Variants in IL27RA observed in about 807,000 individuals in gnomAD.
IL27RA encodes interleukin-27 receptor subunit alpha.
A neutral mutation model predicts 80.8 loss-of-function variants in IL27RA; 61 were observed. The ratio of observed to expected loss-of-function variants is 0.76; its 90% CI spans 0.61 to 0.93. The LOEUF (loss-of-function observed/expected upper bound fraction) is 0.93, where lower values mean the gene tolerates loss of function less well. Among genes scored for constraint, IL27RA ranks in the 40% least tolerant of loss-of-function variants. The probability of loss-of-function intolerance (pLI) is 0.00; values close to 1 mark genes in which losing one functional copy is unlikely to be tolerated. For missense variants in IL27RA, 735 were observed against 808.1 expected (o/e 0.91, Z 1.10); for synonymous variants, 316 against 332.5 (o/e 0.95, Z 0.54).
intron 5 of IL27RA, 51 bp downstream of exon 5, chr19:14,042,663 G>C (rs1311266124): frequency 6.2e-7 from 1 of 1,613,826 alleles, no homozygotes; most frequent in Non-Finnish European, 8.5e-7. Context: ...ACCCCCAGAA[G>C]TCTGTCCAAT....
chr19:14,037,598 C>T (rs981455457), intron 2 of IL27RA, among the ~76,000 whole-genome samples: 3 of 152,072 alleles, frequency 2.0e-5, no homozygotes, highest in African/African-American at 7.2e-5. Flanking sequence ...GTTTGGCCTC[C>T]AGGTCTTTGC....
intron 8 of IL27RA, among the ~76,000 whole-genome samples, chr19:14,047,148 AT>A (rs1976079556): frequency 6.7e-6 from 1 of 149,446 alleles, no homozygotes; most frequent in Admixed American, 6.7e-5. Flanking sequence ...GGTTCAAGTG[AT>A]TCTCGTGACT....
chr19:14,048,035 G>A (rs1976096592), intron 8 of IL27RA, among the ~76,000 whole-genome samples: 1 of 150,182 alleles, frequency 6.7e-6, no homozygotes, highest in Non-Finnish European at 1.5e-5. Flanking sequence ...TCAGCTCACT[G>A]CAGCGTCGAC....
chr19:14,042,423 G>C, intron 4 of IL27RA, 30 bp from the exon 5 acceptor site: 1 of 1,608,394 alleles, frequency 6.2e-7, no homozygotes, highest in South Asian at 1.1e-5. Context: ...CAGGCCCTGG[G>C]CCCATCACGC....
At chr19:14,048,104 T>TG (rs1209076620) in intron 8 of IL27RA, among the ~76,000 whole-genome samples, 3 of 151,652 alleles carry the variant, frequency 2.0e-5, no homozygotes, top group Admixed American at 2.0e-4. Context: ...ATTACAGGCA[T>TG]GCGCCACCAA....
chr19:14,042,367 GA>G, intron 4 of IL27RA, 85 bp from the exon 5 acceptor site: 1 of 1,449,120 alleles, frequency 6.9e-7, no homozygotes, highest in South Asian at 1.3e-5. Context: ...GTCTCAAAAC[GA>G]AAAACAAAGG....
chr19:14,052,543 G>A lies in IL27RA; in HGVS notation c.*253G>A, dbSNP rs1019626253. On this transcript the variant is annotated 3_prime_UTR_variant, in exon 14 of 14. Coordinates refer to ENST00000263379, the MANE Select transcript of IL27RA (RefSeq NM_004843.4). ...ATACATGAAATTGAGAGTGGCAGCTGCCTGCCAAAATCTGTTCCGCTGTAA... is the reference window on the plus strand; with the variant it reads ...ATACATGAAATTGAGAGTGGCAGCTACCTGCCAAAATCTGTTCCGCTGTAA... 1 of 408,384 alleles carries A rather than the reference G, an allele frequency of 2.4e-6. No individual in the cohort carries two copies. The highest frequency in any genetic ancestry group is 4.3e-6 in the Non-Finnish European group (1 of 230,698). 25.3% of individuals were successfully genotyped at this position (408,384 alleles called of 1,614,324 possible). A position where few individuals can be genotyped will look rare whatever the true frequency, so the allele number is the denominator to read the frequency against.
intron 8 of IL27RA, among the ~76,000 whole-genome samples, chr19:14,048,132 A>G (rs1976098457): frequency 6.7e-6 from 1 of 149,626 alleles, no homozygotes; most frequent in Non-Finnish European, 1.5e-5. Flanking sequence ...CAGTTTTTGT[A>G]TTTTTTGTAG....
chr19:14,042,389 A>G, intron 4 of IL27RA, 64 bp from the exon 5 acceptor site: 1 of 1,506,706 alleles, frequency 6.6e-7, no homozygotes, highest in Non-Finnish European at 9.0e-7. Context: ...AAAAAAAAAA[A>G]GATAAGTTCA....
At chr19:14,039,467 C>T in intron 2 of IL27RA, 41 bp from the exon 3 acceptor site, 2 of 1,578,974 alleles carry the variant, frequency 1.3e-6, no homozygotes, top group South Asian at 2.3e-5. Flanking sequence ...GGCCCTGGCT[C>T]TAGCCGAGTG....
intron 1 of IL27RA, 144 bp downstream of exon 1, chr19:14,032,116 G>C (rs1434182104): frequency 1.3e-6 from 1 of 795,496 alleles, no homozygotes; most frequent in East Asian, 2.7e-5. Context: ...CAGGGACCCG[G>C]CGACACTGGG....
intron 2 of IL27RA, among the ~76,000 whole-genome samples, chr19:14,036,840 A>AT (rs149297021): frequency 0.17 from 22,182 of 129,448 alleles, 1,896 homozygotes; most frequent in East Asian, 0.36. Flanking sequence ...TGTATACCAC[A>AT]TTTTTTTTTT....
intron 1 of IL27RA, 108 bp from the exon 2 acceptor site, chr19:14,032,277 TC>T (rs1975828728): frequency 4.1e-5 from 36 of 870,832 alleles, no homozygotes; most frequent in Middle Eastern, 7.1e-4. Context: ...GCTGCTCATT[TC>T]CCTAAGCCCC....
chr19:14,042,842 A>G (rs2084132610), intron 6 of IL27RA, 53 bp downstream of exon 6: 1 of 1,489,148 alleles, frequency 6.7e-7, no homozygotes, highest in Non-Finnish European at 9.4e-7. Flanking sequence ...AAACCCCTAA[A>G]TAACAATGAC....
At chr19:14,048,740 CTGGCCCCTAGAGGTCCCCCA>C (rs1472603477) in intron 8 of IL27RA, among the ~76,000 whole-genome samples, 1 of 152,192 alleles carries the variant, frequency 6.6e-6, no homozygotes, top group African/African-American at 2.4e-5. Context: ...CTGCTCTCTG[CTGGCCCCTAGAGGTCCCCCA>C]TGGGACTGCG....
chr19:14,043,872 A>AC (rs1187850166), intron 6 of IL27RA, among the ~76,000 whole-genome samples: 5 of 148,186 alleles, frequency 3.4e-5, no homozygotes, highest in Non-Finnish European at 6.0e-5. Flanking sequence ...ACATGGTGAA[A>AC]CCCCATCTCT....
intron 6 of IL27RA, among the ~76,000 whole-genome samples, chr19:14,044,270 ACT>A (rs1335088866): frequency 1.3e-5 from 2 of 151,318 alleles, no homozygotes; most frequent in African/African-American, 4.9e-5. Context: ...ATGGAGTGTC[ACT>A]CTTGTTGCCC....
chr19:14,033,008 C>T (rs1226479446), intron 2 of IL27RA, among the ~76,000 whole-genome samples: 2 of 151,376 alleles, frequency 1.3e-5, no homozygotes, highest in East Asian at 1.9e-4. Context: ...AGGTGGTTTG[C>T]ACCTGTCATC....
intron 6 of IL27RA, 87 bp from the exon 7 acceptor site, chr19:14,046,067 C>G: frequency 2.4e-6 from 3 of 1,260,166 alleles, no homozygotes; most frequent in Non-Finnish European, 3.3e-6. Flanking sequence ...CTTCACTGAC[C>G]GGTGGTTTAT....
Sources: gnomAD v4.1 joint callset for allele counts (sites outside exome capture counted in the v4.1 genomes callset) on GRCh38, gnomAD v4.1.1 for gene constraint, MANE v1.5 for transcripts, NCBI Gene and HGNC (gene_info 2026-07-23, HGNC 2026-07-21) for gene names.